Variants in DIAPH3 observed in about 807,000 individuals in gnomAD.
DIAPH3 encodes the protein protein diaphanous homolog 3.
DIAPH3 carries 117 observed loss-of-function variants against 144.3 expected under a neutral mutation model. The observed-to-expected ratio is 0.81, with a 90% confidence interval of 0.70 to 0.95. The LOEUF (loss-of-function observed/expected upper bound fraction) is 0.95. DIAPH3 is among the 40% of genes least tolerant of loss of function. The pLI is 0.00. For missense variants in DIAPH3, 1,421 were observed against 1,412.7 expected, an observed-to-expected ratio of 1.01 and a Z score of -0.09; for synonymous variants, 519 against 488.9, an observed-to-expected ratio of 1.06 and a Z score of -0.81.
chr13:60,084,718 G>A (rs536228785), intron 4 of DIAPH3, among the ~76,000 whole-genome samples: 1 of 152,118 alleles, frequency 6.6e-6, no homozygotes, highest in Admixed American at 6.5e-5. Context: ...AAATCCTAAG[G>A]ACAGATCCTT....
chr13:60,031,454 A>C (rs1158857527), intron 5 of DIAPH3, among the ~76,000 whole-genome samples: 1 of 152,130 alleles, frequency 6.6e-6, no homozygotes, highest in African/African-American at 2.4e-5. Context: ...TATCCTTTTC[A>C]AATTGCAAAA....
At chr13:59,841,452 G>C (rs1005869838) in intron 22 of DIAPH3, among the ~76,000 whole-genome samples, 3 of 151,968 alleles carry the variant, frequency 2.0e-5, no homozygotes, top group Non-Finnish European at 4.4e-5. Context: ...AAATTAGCCA[G>C]CCATGGTGGC....
intron 17 of DIAPH3, among the ~76,000 whole-genome samples, chr13:59,933,918 AT>A (rs772870464): frequency 2.6e-5 from 4 of 152,216 alleles, no homozygotes; most frequent in Non-Finnish European, 5.9e-5. Flanking sequence ...TAAATTTTCC[AT>A]TTAAAAATCA....
At chr13:59,819,063 G>C (rs1229378974) in intron 24 of DIAPH3, among the ~76,000 whole-genome samples, 3 of 151,714 alleles carry the variant, frequency 2.0e-5, no homozygotes, top group African/African-American at 7.3e-5. Flanking sequence ...TTGTGTGTTT[G>C]GTGGTTAGGA....
intron 5 of DIAPH3, among the ~76,000 whole-genome samples, chr13:60,031,635 T>C (rs779120179): frequency 6.6e-6 from 1 of 151,210 alleles, no homozygotes; most frequent in Non-Finnish European, 1.5e-5. Flanking sequence ...GTACAGATAT[T>C]AGGTAAACAT....
chr13:60,021,807 GAAGT>G (rs1268426010), intron 5 of DIAPH3, among the ~76,000 whole-genome samples: 3 of 152,030 alleles, frequency 2.0e-5, no homozygotes, highest in Non-Finnish European at 4.4e-5. Context: ...AGCTAGAAAA[GAAGT>G]AAGAATCTTA....
rs188788136 is a variant in DIAPH3 at position 59,860,633 on chromosome 13, G to A, written c.2737+774C>T. On this transcript the variant is annotated intron_variant, in intron 22 of 27. Coordinates refer to ENST00000400324, the MANE Select transcript of DIAPH3 (RefSeq NM_001042517.2). ...GGTGCCTGTAGTCCCAGCTACTCAG[G>A]AGGCTGAGGCAGGAGAATGGCATGA... is the stretch of plus-strand genomic sequence containing the variant. Among the ~76,000 whole-genome samples, 410 of 152,112 alleles carry A rather than the reference G, an allele frequency of 2.7e-3. 6 individuals are homozygous for A. Among genetic ancestry groups the A allele is most frequent in the Non-Finnish European group, 2.1e-4 (14 of 67,976 alleles).
chr13:59,804,023 T>C (rs769246303), intron 25 of DIAPH3, among the ~76,000 whole-genome samples: 3 of 152,206 alleles, frequency 2.0e-5, no homozygotes, highest in Non-Finnish European at 4.4e-5. Flanking sequence ...ACCTACTATA[T>C]TGCAAATTCT....
intron 18 of DIAPH3, among the ~76,000 whole-genome samples, chr13:59,921,982 T>C (rs1293281474): frequency 6.6e-6 from 1 of 151,986 alleles, no homozygotes; most frequent in Non-Finnish European, 1.5e-5. Flanking sequence ...GATAGAAAAA[T>C]AATTTGACAG....
chr13:59,913,032 G>GA (rs2047067863), intron 19 of DIAPH3, among the ~76,000 whole-genome samples: 1 of 151,984 alleles, frequency 6.6e-6, no homozygotes, highest in Non-Finnish European at 1.5e-5. Context: ...CACATAAATA[G>GA]AAATTTCTCT....
intron 27 of DIAPH3, among the ~76,000 whole-genome samples, chr13:59,716,714 C>A (rs2138872592): frequency 6.6e-6 from 1 of 152,232 alleles, no homozygotes; most frequent in East Asian, 1.9e-4. Flanking sequence ...TTATAAGCAG[C>A]TGAGGCTGGA....
intron 4 of DIAPH3, among the ~76,000 whole-genome samples, chr13:60,078,248 A>G (rs1479019666): frequency 6.6e-6 from 1 of 152,150 alleles, no homozygotes; most frequent in Non-Finnish European, 1.5e-5. Flanking sequence ...AGTGCCCTCA[A>G]CTACTAACTC....
intron 4 of DIAPH3, among the ~76,000 whole-genome samples, chr13:60,069,302 G>A (rs7327217): frequency 0.037 from 5,570 of 151,982 alleles, 136 homozygotes; most frequent in East Asian, 0.075. Context: ...GGGTCTGCTC[G>A]TGTCCTTTGC....
chr13:59,983,280 T>C (rs959820460), intron 13 of DIAPH3, among the ~76,000 whole-genome samples: 6 of 151,142 alleles, frequency 4.0e-5, no homozygotes, highest in South Asian at 2.1e-4. Flanking sequence ...TATTTTCTTA[T>C]TGAACTCTTT....
intron 5 of DIAPH3, among the ~76,000 whole-genome samples, chr13:60,029,311 C>A (rs1381096961): frequency 6.6e-6 from 1 of 152,086 alleles, no homozygotes; most frequent in Admixed American, 6.6e-5. Context: ...TACAAGCCAC[C>A]CTCCTAATTC....
intron 17 of DIAPH3, among the ~76,000 whole-genome samples, chr13:59,953,266 T>G (rs1360207691): frequency 6.6e-6 from 1 of 152,080 alleles, no homozygotes; most frequent in East Asian, 1.9e-4. Context: ...ATCATGAAGG[T>G]TGCCCAGTAT....
chr13:59,840,744 T>C (rs1415310752), intron 22 of DIAPH3, among the ~76,000 whole-genome samples: 1 of 152,122 alleles, frequency 6.6e-6, no homozygotes, highest in East Asian at 1.9e-4. Flanking sequence ...TGAAGAGTGA[T>C]GGTACTTTAA....
intron 19 of DIAPH3, among the ~76,000 whole-genome samples, chr13:59,913,912 C>A (rs1034634021): frequency 6.6e-6 from 1 of 151,726 alleles, no homozygotes; most frequent in South Asian, 2.1e-4. Flanking sequence ...AAGCCGAGAT[C>A]GCACCATTGC....
chr13:59,861,620 TTGTAGATAAGGACTAAAAGTTGTA>T, intron 21 of DIAPH3, 84 bp from the exon 22 acceptor site: 1 of 1,433,774 alleles, frequency 7.0e-7, no homozygotes, highest in Non-Finnish European at 9.7e-7. Context: ...ATACTGTATT[TTGTAGATAAGGACTAAAAGTTGTA>T]AAATTAGTTG....
Sources: gnomAD v4.1 joint callset for allele counts (sites outside exome capture counted in the v4.1 genomes callset) on GRCh38, gnomAD v4.1.1 for gene constraint, MANE v1.5 for transcripts, NCBI Gene and HGNC (gene_info 2026-07-23, HGNC 2026-07-21) for gene names.